The following MSH4 variants were observed in gnomAD, a reference collection of about 807,000 sequenced individuals.
MSH4 encodes mutS protein homolog 4.
In MSH4, 106 loss-of-function variants were observed where a neutral mutation model predicts 113.7. The ratio of observed to expected loss-of-function variants is 0.93; its 90% confidence interval spans 0.80 to 1.10. The LOEUF (loss-of-function observed/expected upper bound fraction) is 1.10, where lower values mean the gene tolerates loss of function less well. MSH4 is among the 50% of genes least tolerant of loss of function. The pLI, the probability that MSH4 is intolerant of heterozygous loss-of-function variation, is 0.00. For synonymous variants in MSH4, 368 were observed against 380.2 expected (o/e 0.97, Z 0.37); for missense variants, 1,061 against 1,093.7 (o/e 0.97, Z 0.42).
chr1:75,804,054 C>T (rs184063878), intron 2 of MSH4, 141 bp downstream of exon 2: 1 of 513,466 alleles, frequency 1.9e-6, no homozygotes, highest in Admixed American at 4.3e-5. Flanking sequence ...TACCTCTATC[C>T]ATAATTTGAG....
intron 8 of MSH4, among the ~76,000 whole-genome samples, chr1:75,855,117 A>T (rs943850861): frequency 2.0e-5 from 3 of 151,748 alleles, no homozygotes; most frequent in African/African-American, 7.3e-5. Flanking sequence ...AGTTTACTTT[A>T]GCCTTGACCT....
chr1:75,889,633 G>A (rs5745501), intron 16 of MSH4, among the ~76,000 whole-genome samples: 6 of 152,070 alleles, frequency 3.9e-5, no homozygotes, highest in Non-Finnish European at 5.9e-5. Flanking sequence ...TAGGAAATAC[G>A]TAAAAGACTT....
Position 75,847,178 on chromosome 1 carries a change from C to A in MSH4, c.1163-1031C>A, listed in dbSNP as rs151074442. Among the ~76,000 whole-genome samples the A allele has an allele frequency of 2.1e-3, 318 of 152,286 alleles. 2 individuals carry two copies. The highest frequency in any genetic ancestry group is 4.5e-3 in the Admixed American group (69 of 15,288). ...CAGAGGCAGAGCCCTCATGACCTAA[C>A]CATCTCTTAAAGATCCTACCTCTCA... On this transcript the variant is annotated intron_variant, in intron 7 of 19. Coordinates refer to ENST00000263187, the MANE Select transcript of MSH4 (RefSeq NM_002440.4).
At position 75,867,691 on chromosome 1, in the gene MSH4, G is replaced by A. The variant is rs534336613; in HGVS notation, c.1305+103G>A. On this transcript the variant is annotated intron_variant, in intron 9 of 19. Coordinates refer to ENST00000263187, the MANE Select transcript of MSH4 (RefSeq NM_002440.4). ...CGGAAAATTGCAAGAATAACATGGCGAATTTCCCATATTTTTTTTCTTTGT... is the reference window on the plus strand; with the variant it reads ...CGGAAAATTGCAAGAATAACATGGCAAATTTCCCATATTTTTTTTCTTTGT... 2.1e-4 allele frequency: 151 copies of A among 708,252 alleles called. 1 individual carries two copies. The highest frequency in any genetic ancestry group is 1.3e-3 in the African/African-American group (71 of 55,154). The allele number at this position is 708,252 out of a possible 1,614,324, so 43.9% of individuals were successfully genotyped here. A position where few individuals can be genotyped will look rare whatever the true frequency, so the allele number is the denominator to read the frequency against.
chr1:75,814,651 A>C (rs1375815289), intron 4 of MSH4, among the ~76,000 whole-genome samples: 12 of 152,192 alleles, frequency 7.9e-5, no homozygotes, highest in Admixed American at 7.9e-4. Context: ...TTTCTATACA[A>C]AAGATTACTA....
chr1:75,797,025 C>A lies in MSH4; in HGVS notation c.40C>A (p.Pro14Thr). The stretch of plus-strand genomic sequence containing the variant: ...GATCTCATCAACCTCGCCTTCTGCC[C>A]CGGCGGTTTCCCCGTCGTCGGGAGA... ...PEISSTSPSA[P>T]AVSPSSGETR... The change falls in exon 1 of 20, where the codon CCG becomes ACG. Residue 14 changes from proline to threonine, a missense_variant. Transcript: ENST00000263187. The A allele has an allele frequency of 1.9e-6, 3 of 1,614,106 alleles. No homozygotes were observed. The South Asian group carries it at 3.3e-5, about 18-fold the overall frequency.
chr1:75,835,067 A>G (rs1417304107), intron 7 of MSH4, among the ~76,000 whole-genome samples: 1 of 152,192 alleles, frequency 6.6e-6, no homozygotes, highest in Non-Finnish European at 1.5e-5. Context: ...TTTGTCCAGT[A>G]TTTGGTTGCT....
At chr1:75,909,313 C>T (rs1312120264) in intron 19 of MSH4, among the ~76,000 whole-genome samples, 1 of 152,016 alleles carries the variant, frequency 6.6e-6, no homozygotes, top group Non-Finnish European at 1.5e-5. Context: ...CAGAGTTTTT[C>T]ACTTCTCTGT....
rs552774225 is a variant in MSH4 at position 75,884,418 on chromosome 1, A to G, written c.2107+597A>G. Reference sequence around the variant, plus strand: ...TTCTGAAAACTGGGTTTCCTTGAGAACTATATGAATCAGAGATGAGATACT... The same window carrying G: ...TTCTGAAAACTGGGTTTCCTTGAGAGCTATATGAATCAGAGATGAGATACT... On this transcript the variant is annotated intron_variant, in intron 15 of 19. Transcript: ENST00000263187. Among the ~76,000 whole-genome samples the G allele has an allele frequency of 2.6e-5, 4 of 152,196 alleles. No individual in the cohort carries two copies. In the South Asian group the frequency reaches 8.3e-4, roughly 32 times the overall value.
At chr1:75,797,689 T>C (rs1030910341) in intron 1 of MSH4, among the ~76,000 whole-genome samples, 19 of 152,258 alleles carry the variant, frequency 1.2e-4, no homozygotes, top group Non-Finnish European at 2.1e-4. Context: ...CCCAGCACTT[T>C]GGGAAACCAG....
intron 7 of MSH4, among the ~76,000 whole-genome samples, chr1:75,842,412 A>G (rs34177389): frequency 1.3e-5 from 2 of 152,036 alleles, no homozygotes; most frequent in African/African-American, 2.4e-5. Context: ...CCCAGGCCCC[A>G]AGGAAAGAGA....
At chr1:75,842,444 G>T (rs1241688468) in intron 7 of MSH4, among the ~76,000 whole-genome samples, 1 of 152,152 alleles carries the variant, frequency 6.6e-6, no homozygotes. Flanking sequence ...AGCTGTTCCA[G>T]TATAGTAAAA....
chr1:75,866,040 C>T (rs1174821247), intron 8 of MSH4, among the ~76,000 whole-genome samples: 1 of 152,134 alleles, frequency 6.6e-6, no homozygotes. Flanking sequence ...TATTCTGTTC[C>T]ATTGGACTCT....
At chr1:75,816,029 T>C (rs1051715024) in intron 5 of MSH4, among the ~76,000 whole-genome samples, 4 of 151,930 alleles carry the variant, frequency 2.6e-5, no homozygotes, top group Non-Finnish European at 1.5e-5. Flanking sequence ...ATAAATAAAG[T>C]ATCAGACTTT....
chr1:75,883,917 G>A, intron 15 of MSH4, 96 bp downstream of exon 15: 1 of 947,666 alleles, frequency 1.1e-6, no homozygotes, highest in East Asian at 2.4e-5. Context: ...ATTAACCCAA[G>A]AACAGTTTGG....
chr1:75,826,975 A>G (rs1258504888), intron 7 of MSH4, among the ~76,000 whole-genome samples: 1 of 152,162 alleles, frequency 6.6e-6, no homozygotes, highest in East Asian at 1.9e-4. Context: ...TATTAGGTCC[A>G]CTTGGTTCAG....
intron 8 of MSH4, among the ~76,000 whole-genome samples, chr1:75,850,970 T>C (rs1651174560): frequency 6.6e-6 from 1 of 152,186 alleles, no homozygotes; most frequent in Non-Finnish European, 1.5e-5. Flanking sequence ...TGCTATGAAA[T>C]CTACTGCATC....
intron 3 of MSH4, among the ~76,000 whole-genome samples, chr1:75,808,528 T>C (rs5745344): frequency 4.9e-4 from 75 of 152,306 alleles, no homozygotes; most frequent in East Asian, 1.5e-3. Context: ...AAGTTATTTC[T>C]TCCAGAACTG....
At chr1:75,877,045 C>A (rs1428880768) in intron 10 of MSH4, 45 bp downstream of exon 10, 1 of 1,258,482 alleles carries the variant, frequency 7.9e-7, no homozygotes, top group East Asian at 2.5e-5. Context: ...TTATTCTCTT[C>A]TTCCTGATCA....
Sources: allele counts gnomAD v4.1 joint callset (sites outside exome capture counted in the v4.1 genomes callset), GRCh38; gene constraint gnomAD v4.1.1; transcripts MANE v1.5; gene names NCBI Gene and HGNC (gene_info 2026-07-23, HGNC 2026-07-21).